NEBL: variants seen among roughly 807,000 people sequenced by gnomAD.
NEBL encodes LIM and SH3 protein 2.
NEBL carries 122 observed loss-of-function variants against 140.2 expected under a neutral mutation model. That is an observed-to-expected ratio of 0.87 (90% CI 0.75 to 1.01). NEBL has a LOEUF of 1.01. NEBL is among the 50% of genes least tolerant of loss of function. NEBL has a pLI of 0.00. For synonymous variants in NEBL, 436 were observed against 398.9 expected (o/e 1.09, Z -1.11); for missense variants, 1,365 against 1,231.3 (o/e 1.11, Z -1.62).
intron 11 of NEBL, among the ~76,000 whole-genome samples, chr10:20,849,923 G>A (rs1012569194): frequency 4.0e-5 from 6 of 151,866 alleles, no homozygotes; most frequent in African/African-American, 1.5e-4. Flanking sequence ...AGGACTAAAT[G>A]AGCTGACATA....
At chr10:21,202,476 T>C (rs1841754654) in intron 3 of NEBL, among the ~76,000 whole-genome samples, 4 of 147,478 alleles carry the variant, frequency 2.7e-5, no homozygotes, top group Admixed American at 2.7e-4. Flanking sequence ...TTTTTTTTTT[T>C]TTTTTGAAAC....
intron 2 of NEBL, chr10:21,126,240 T>A: frequency 1.0e-6 from 1 of 988,704 alleles, no homozygotes; most frequent in Non-Finnish European, 1.5e-6. Flanking sequence ...TCAGAACCAA[T>A]CCATCTTCAA....
chr10:20,920,437 C>T (rs189887602), intron 4 of NEBL, among the ~76,000 whole-genome samples: 16 of 152,228 alleles, frequency 1.1e-4, no homozygotes, highest in Admixed American at 8.5e-4. Context: ...TGTAGTCCAG[C>T]GACACACTGG....
At chr10:21,125,541 C>T (rs557667485) in intron 2 of NEBL, among the ~76,000 whole-genome samples, 77 of 152,088 alleles carry the variant, frequency 5.1e-4, no homozygotes, top group African/African-American at 1.8e-3. Flanking sequence ...AAGAGGAATG[C>T]AAAGGTTGAA....
At chr10:21,257,748 G>A (rs914845356) in intron 1 of NEBL, among the ~76,000 whole-genome samples, 1 of 152,082 alleles carries the variant, frequency 6.6e-6, no homozygotes, top group Non-Finnish European at 1.5e-5. Flanking sequence ...AGGTGGGTGT[G>A]GTGGCAGGCA....
At chr10:21,274,516 C>T (rs1842895683) in intron 1 of NEBL, among the ~76,000 whole-genome samples, 1 of 152,192 alleles carries the variant, frequency 6.6e-6, no homozygotes, top group African/African-American at 2.4e-5. Context: ...ACCTCCACTT[C>T]CCAGGCTCAA....
intron 3 of NEBL, among the ~76,000 whole-genome samples, chr10:21,006,997 A>T (rs1378020860): frequency 1.3e-5 from 2 of 152,186 alleles, no homozygotes; most frequent in African/African-American, 4.8e-5. Flanking sequence ...CATATTTCTC[A>T]AAGAATTTGG....
chr10:21,031,240 ATGGGGG>A (rs1213357868), intron 2 of NEBL, among the ~76,000 whole-genome samples: 1 of 152,138 alleles, frequency 6.6e-6, no homozygotes, highest in Non-Finnish European at 1.5e-5. Flanking sequence ...GATGAACCCT[ATGGGGG>A]TCACCCATCA....
rs35919028 is a variant in NEBL, at chr10:21,234,008, GAGATAGATAGAT to G, written n.348+13901_348+13912del. Reference sequence around the variant, plus strand: ...TAAGTAGTATAATTTAGGAGATTGTGAGATAGATAGATAGATAGATAGATAGATAGATAGATA... The same window carrying G: ...TAAGTAGTATAATTTAGGAGATTGTGAGATAGATAGATAGATAGATAGATA... On this transcript the variant is annotated intron_variant and non_coding_transcript_variant, in intron 3 of 8. Transcript: ENST00000675702. Among the ~76,000 whole-genome samples, 426 of 139,560 alleles carry G rather than the reference GAGATAGATAGAT, an allele frequency of 3.1e-3. 2 individuals are homozygous for G. Among genetic ancestry groups the G allele is most frequent in the African/African-American group, 9.4e-3 (353 of 37,710 alleles). 91.6% of individuals were successfully genotyped at this position (139,560 alleles called of 152,430 possible).
At chr10:21,268,040 T>C (rs1455189252) in intron 1 of NEBL, among the ~76,000 whole-genome samples, 1 of 152,180 alleles carries the variant, frequency 6.6e-6, no homozygotes, top group African/African-American at 2.4e-5. Context: ...GCGCCCCAAC[T>C]GCATGCTCAT....
rs533037168 is a variant in NEBL, at chr10:20,790,914, G to T, written c.2762-3606C>A. 2.0e-5 allele frequency among the ~76,000 whole-genome samples: 3 copies of T among 152,242 alleles called. No individual in the cohort carries two copies. The South Asian group carries it at 6.2e-4, about 32-fold the overall frequency. On this transcript the variant is annotated intron_variant, in intron 26 of 27. Transcript: ENST00000377122. ...AAAAGTAAGATGTCAGGTTCATTTG[G>T]CAACAAACAAGGGCTTTTCAATCAA...
chr10:20,896,935 C>T lies in NEBL; in HGVS notation c.153+23G>A, dbSNP rs1564430250. 3 of 1,609,350 alleles carry T rather than the reference C, an allele frequency of 1.9e-6. No homozygotes were observed. In the South Asian group the frequency reaches 3.3e-5, roughly 18 times the overall value. On this transcript the variant is annotated intron_variant, in intron 2 of 27. Transcript: ENST00000377122. The stretch of plus-strand genomic sequence containing the variant: ...ACCACAGGTGCAATGCAAAATAAGA[C>T]AAAAATTACTCCAGCCACTTACATC...
Position 21,102,104 on chromosome 10 carries a change from A to T in NEBL, c.164+70279T>A, listed in dbSNP as rs530941700. ...ATTTTACTTCTCTGCAATGTCAAAC[A>T]TCATTCCTAAGGTCTCATCTGCTCT... On this transcript the variant is annotated intron_variant, in intron 2 of 6. Coordinates refer to the NEBL transcript ENST00000417816. Among the ~76,000 whole-genome samples, 2 of 152,372 alleles carry T rather than the reference A, an allele frequency of 1.3e-5. 1 individual carries two copies. Among genetic ancestry groups the T allele is most frequent in the South Asian group, 4.1e-4 (2 of 4,832 alleles).
intron 17 of NEBL, 59 bp downstream of exon 17, chr10:20,828,471 C>G: frequency 8.9e-7 from 1 of 1,128,856 alleles, no homozygotes; most frequent in Non-Finnish European, 1.3e-6. Flanking sequence ...GGAAAAAAGA[C>G]CATTTCTTAC....
chr10:21,271,726 A>G (rs1269922970), intron 1 of NEBL, among the ~76,000 whole-genome samples: 1 of 151,682 alleles, frequency 6.6e-6, no homozygotes, highest in Non-Finnish European at 1.5e-5. Context: ...GGGTTTCACC[A>G]TGATAGCCAG....
intron 5 of NEBL, among the ~76,000 whole-genome samples, chr10:20,879,124 GC>G (rs1029327678): frequency 4.6e-5 from 7 of 152,072 alleles, no homozygotes; most frequent in Non-Finnish European, 7.4e-5. Context: ...AACCTATTTT[GC>G]TCCCCATTTT....
At chr10:20,793,552 CTTTT>C (rs1295107239) in intron 26 of NEBL, among the ~76,000 whole-genome samples, 2 of 149,312 alleles carry the variant, frequency 1.3e-5, no homozygotes, top group African/African-American at 5.0e-5. Flanking sequence ...TTCTTTCTTT[CTTTT>C]CTTTTTTTTT....
chr10:20,925,323 T>C (rs942755655), intron 4 of NEBL, among the ~76,000 whole-genome samples: 18 of 152,212 alleles, frequency 1.2e-4, no homozygotes, highest in African/African-American at 4.3e-4. Flanking sequence ...TTCCATGGTA[T>C]GGATGGAATA....
At chr10:20,904,914 C>T (rs1393341643) in intron 4 of NEBL, among the ~76,000 whole-genome samples, 1 of 152,198 alleles carries the variant, frequency 6.6e-6, no homozygotes, top group East Asian at 1.9e-4. Flanking sequence ...GATAGATGAT[C>T]TACCAATTAA....
Sources: allele counts gnomAD v4.1 joint callset (sites outside exome capture counted in the v4.1 genomes callset), GRCh38; gene constraint gnomAD v4.1.1; transcripts MANE v1.5; gene names NCBI Gene and HGNC (gene_info 2026-07-23, HGNC 2026-07-21).